Variants in ZNF783 observed in about 807,000 individuals in gnomAD.
The protein encoded by ZNF783 is zinc finger protein 783.
ZNF783 carries 25 observed loss-of-function variants against 31.3 expected under a neutral mutation model. The ratio of observed to expected loss-of-function variants is 0.80; its 90% CI spans 0.58 to 1.11. The LOEUF is 1.11. Among genes scored for constraint, ZNF783 ranks in the 50% most tolerant of loss-of-function variants. ZNF783 has a pLI of 0.00. For missense variants in ZNF783, 797 were observed against 760.0 expected (o/e 1.05, Z -0.57); for synonymous variants, 369 against 319.1 (o/e 1.16, Z -1.66).
chr7:149,283,686 G>A lies in ZNF783; in HGVS notation c.*1343G>A, dbSNP rs1231769451. The A allele has an allele frequency of 3.3e-5, 5 of 152,204 alleles. No individual in the cohort carries two copies. The highest frequency in any genetic ancestry group is 4.1e-4 in the South Asian group (2 of 4,836). The allele number at this position is 152,204 out of a possible 1,614,324, so 9.4% of individuals were successfully genotyped here. ...CACTTTGGGCTCTGGGGCAGAGTTG[G>A]GCTAGGAGATCTGGGTGAATCCTTT... On this transcript the variant is annotated 3_prime_UTR_variant, in exon 6 of 6. Transcript: ENST00000434415.
At chr7:149,276,729 T>A in intron 4 of ZNF783, 1 of 636,088 alleles carries the variant, frequency 1.6e-6, no homozygotes, top group Non-Finnish European at 2.0e-6. Context: ...GGAATGCAAC[T>A]GGCACAATCA....
At chr7:149,280,938 C>T (rs62494183) in intron 5 of ZNF783, among the ~76,000 whole-genome samples, 34,515 of 152,138 alleles carry the variant, frequency 0.23, 4,276 homozygotes, top group East Asian at 0.46. Flanking sequence ...AATCTCAGGT[C>T]CCAGTGCCTC....
chr7:149,274,445 A>T (rs1260775790), intron 4 of ZNF783, among the ~76,000 whole-genome samples: 1 of 151,026 alleles, frequency 6.6e-6, no homozygotes, highest in African/African-American at 2.4e-5. Context: ...GGCTCACTGC[A>T]ACCTCCGCCT....
chr7:149,278,059 G>A (rs1324049197), intron 4 of ZNF783: 6 of 740,338 alleles, frequency 8.1e-6, no homozygotes, highest in South Asian at 3.3e-5. Context: ...GAGGAGGCCC[G>A]ACTGCGGGAG....
Position 149,266,329 on chromosome 7 carries a change from G to C in ZNF783, c.25-6G>C. The C allele has an allele frequency of 6.4e-7, 1 of 1,552,754 alleles. No individual in the cohort carries two copies. The highest frequency in any genetic ancestry group is 2.3e-5 in the East Asian group (1 of 44,346). ...TAACATCTCTCTTTTCTCTTCTTGT[G>C]AGCAGGACCCCGAGACAGACAAGCA... On this transcript the variant is annotated splice_polypyrimidine_tract_variant and splice_region_variant and intron_variant, in intron 1 of 5. Transcript: ENST00000434415.
At chr7:149,264,868 G>A (rs1164308263) in intron 1 of ZNF783, among the ~76,000 whole-genome samples, 8 of 120,382 alleles carry the variant, frequency 6.6e-5, no homozygotes, top group African/African-American at 1.7e-4. Flanking sequence ...GCAAGACTCC[G>A]TCTCAAAAAA....
rs1198384673 is a variant in ZNF783, at chr7:149,264,995, G to A, written c.25-1340G>A. Among the ~76,000 whole-genome samples, 5 of 151,884 alleles carry A rather than the reference G, an allele frequency of 3.3e-5. No homozygotes were observed. In the South Asian group the frequency reaches 1.0e-3, roughly 32 times the overall value. Reference sequence around the variant, plus strand: ...AAGGCTGGAAGTGGGGGAGAAGGCTGGAAGTGGGGGAGAAGGCTGGAAGTG... The same window carrying A: ...AAGGCTGGAAGTGGGGGAGAAGGCTAGAAGTGGGGGAGAAGGCTGGAAGTG... On this transcript the variant is annotated intron_variant, in intron 1 of 5. Coordinates refer to ENST00000434415, the MANE Select transcript of ZNF783 (RefSeq NM_001195220.2).
intron 4 of ZNF783, among the ~76,000 whole-genome samples, chr7:149,268,735 G>T (rs1378380945): frequency 6.6e-6 from 1 of 152,166 alleles, no homozygotes; most frequent in Non-Finnish European, 1.5e-5. Context: ...GTTCACTTAG[G>T]ATTATGGCCT....
intron 2 of ZNF783, 27 bp downstream of exon 2, chr7:149,266,757 G>A (rs749645061): frequency 6.2e-7 from 1 of 1,613,498 alleles, no homozygotes; most frequent in Non-Finnish European, 8.5e-7. Flanking sequence ...CTGGGGTGGG[G>A]GAGCTCGAGG....
At chr7:149,267,600 A>C (rs1460348742) in intron 4 of ZNF783, among the ~76,000 whole-genome samples, 3 of 152,120 alleles carry the variant, frequency 2.0e-5, no homozygotes, top group Non-Finnish European at 4.4e-5. Context: ...GATCGAGACC[A>C]TCCTGGTTAA....
rs7789911 is a variant in ZNF783, at chr7:149,284,247, G to T, written c.*1904G>T. 2.0e-5 allele frequency: 3 copies of T among 152,260 alleles called. No homozygotes were observed. Among genetic ancestry groups the T allele is most frequent in the Non-Finnish European group, 2.9e-5 (2 of 68,110 alleles). The allele number at this position is 152,260 out of a possible 1,614,324, so 9.4% of individuals were successfully genotyped here. ...CCACGCTTCAGGGCTGCTTCTGGGG[G>T]TCTTGGTCCCTGGATGTGCCATTTC... On this transcript the variant is annotated 3_prime_UTR_variant, in exon 6 of 6. Transcript: ENST00000434415.
Position 149,266,566 on chromosome 7 carries a change from G to A in ZNF783, c.256G>A (p.Val86Met). The change falls in exon 2 of 6, where the codon GTG (valine) becomes ATG (methionine). Residue 86 changes from valine (V) to methionine (M), a missense_variant. Val to Met is a conservative substitution (Grantham distance 21, BLOSUM62 1). Coordinates refer to ENST00000434415, the MANE Select transcript of ZNF783 (RefSeq NM_001195220.2). ...GCTGGCCGACTGCGAGAAGACAGCT[G>A]TGGAGTTCGGGAACCAGCTGGAGGG... ...KKLADCEKTA[V>M]EFGNQLEGKW... is the part of the protein sequence containing the mutation. 6.2e-7 allele frequency: 1 copy of A among 1,614,226 alleles called. No individual in the cohort carries two copies. The highest frequency in any genetic ancestry group is 8.5e-7 in the Non-Finnish European group (1 of 1,180,048).
Position 149,266,496 on chromosome 7 carries a change from C to G in ZNF783, c.186C>G (p.Thr62=). 6.2e-7 allele frequency: 1 copy of G among 1,613,642 alleles called. No homozygotes were observed. The highest frequency in any genetic ancestry group is 8.5e-7 in the Non-Finnish European group (1 of 1,180,032). ...ALEKKVDSCL[T]RLLTLEGRTG... ...AGAAGAAGGTGGATTCCTGCCTGACCCGCTTGCTGACTCTGGAGGGGCGCA... is the reference window on the plus strand; with the variant it reads ...AGAAGAAGGTGGATTCCTGCCTGACGCGCTTGCTGACTCTGGAGGGGCGCA... The change falls in exon 2 of 6, where the codon ACC becomes ACG. Residue 62 remains threonine, a synonymous_variant. Coordinates refer to ENST00000434415, the MANE Select transcript of ZNF783 (RefSeq NM_001195220.2).
intron 1 of ZNF783, 82 bp downstream of exon 1, chr7:149,262,439 AGGCCGCG>A: frequency 8.9e-7 from 1 of 1,129,878 alleles, no homozygotes; most frequent in Non-Finnish European, 1.1e-6. Context: ...TGGCCGCGCG[AGGCCGCG>A]GGGTGAGAGG....
intron 4 of ZNF783, among the ~76,000 whole-genome samples, chr7:149,272,207 G>A (rs1005594813): frequency 2.6e-5 from 4 of 152,078 alleles, no homozygotes; most frequent in Non-Finnish European, 4.4e-5. Context: ...CAGAGACGGG[G>A]TTTCATCATG....
intron 4 of ZNF783, among the ~76,000 whole-genome samples, chr7:149,267,447 C>T (rs913316045): frequency 2.0e-5 from 3 of 152,194 alleles, no homozygotes; most frequent in African/African-American, 7.2e-5. Context: ...ACTCACCTTA[C>T]GTGGTTGTGA....
intron 1 of ZNF783, among the ~76,000 whole-genome samples, chr7:149,263,264 ACGTGTGTGTGTG>A (rs1465312331): frequency 1.9e-5 from 2 of 106,044 alleles, no homozygotes; most frequent in Admixed American, 1.0e-4. Context: ...ATATATATAT[ACGTGTGTGTGTG>A]TGTGTGTGTG....
At chr7:149,264,742 G>A (rs901754454) in intron 1 of ZNF783, among the ~76,000 whole-genome samples, 19 of 151,866 alleles carry the variant, frequency 1.3e-4, no homozygotes, top group Non-Finnish European at 2.2e-4. Flanking sequence ...GTGTGGTGGC[G>A]GGCGTCTGTA....
At chr7:149,276,574 CCTT>C (rs1267893336) in intron 4 of ZNF783, 2 of 985,254 alleles carry the variant, frequency 2.0e-6, no homozygotes, top group Non-Finnish European at 2.4e-6. Flanking sequence ...CTTTTGATAA[CCTT>C]CTAGCTGGTT....
Sources: gnomAD v4.1 joint callset for allele counts (sites outside exome capture counted in the v4.1 genomes callset) on GRCh38, gnomAD v4.1.1 for gene constraint, MANE v1.5 for transcripts, NCBI Gene and HGNC (gene_info 2026-07-23, HGNC 2026-07-21) for gene names.